The following VAT1L variants were observed in gnomAD, a reference collection of about 807,000 sequenced individuals.
The protein encoded by VAT1L is putative NADPH-dependent quinone oxidoreductase VAT1L.
In VAT1L, 34 loss-of-function variants were observed where a neutral mutation model predicts 44.1. The observed-to-expected ratio is 0.77, with a 90% CI of 0.59 to 1.03. VAT1L has a LOEUF of 1.03. Ranked by LOEUF, VAT1L falls within the 50% of genes least tolerant of loss-of-function variation. The pLI, the probability that VAT1L is intolerant of heterozygous loss-of-function variation, is 0.00. For missense variants in VAT1L, 615 were observed against 538.8 expected (o/e 1.14, Z -1.40); for synonymous variants, 253 against 202.2 (o/e 1.25, Z -2.13).
intron 3 of VAT1L, among the ~76,000 whole-genome samples, chr16:77,843,687 C>G (rs1382836546): frequency 2.0e-5 from 3 of 152,224 alleles, no homozygotes; most frequent in African/African-American, 7.2e-5. Flanking sequence ...CAGTGCAGAC[C>G]TGGACCCCCC....
In VAT1L at chr16:77,792,308, A is replaced by G. The variant is rs79013986; in HGVS notation, c.233+3393A>G. ...ATCATGTCACATCTGCTTAGTGATT[A>G]AGAGAGCTTCCTAGACATGAGTCCC... is the stretch of plus-strand genomic sequence containing the variant. On this transcript the variant is annotated intron_variant, in intron 1 of 8. Transcript: ENST00000302536. 2.9e-3 allele frequency among the ~76,000 whole-genome samples: 440 copies of G among 152,264 alleles called. 2 individuals carry two copies. The highest frequency in any genetic ancestry group is 9.9e-3 in the African/African-American group (413 of 41,546).
chr16:77,823,522 T>C lies in VAT1L; in HGVS notation c.364-1724T>C, dbSNP rs181504966. Among the ~76,000 whole-genome samples, 196 of 152,078 alleles carry C rather than the reference T, an allele frequency of 1.3e-3. 2 individuals are homozygous for C. The highest frequency in any genetic ancestry group is 4.7e-3 in the African/African-American group (194 of 41,472). On this transcript the variant is annotated intron_variant, in intron 2 of 8. Transcript: ENST00000302536. The stretch of plus-strand genomic sequence containing the variant: ...TGCTCATTGTGATGTCATGGAAAAA[T>C]ATTTGGAATTAGACAGGCTTCACTC...
chr16:77,910,158 A>T (rs2017483375), intron 7 of VAT1L, among the ~76,000 whole-genome samples: 1 of 152,144 alleles, frequency 6.6e-6, no homozygotes, highest in Non-Finnish European at 1.5e-5. Context: ...ATTCCCTAAG[A>T]CTCTGGCTAG....
rs115587385 is a variant in VAT1L at position 77,818,679 on chromosome 16, T to C, written c.363+1629T>C. Among the ~76,000 whole-genome samples, 508 of 152,340 alleles carry C rather than the reference T, an allele frequency of 3.3e-3. 2 individuals are homozygous for C. Among genetic ancestry groups the C allele is most frequent in the African/African-American group, 0.012 (483 of 41,588 alleles). Reference sequence around the variant, plus strand: ...ATTATGTATATTTTTCCTTTCAATATGACTTATCTTTTGCTAATTTGCCCT... The same window carrying C: ...ATTATGTATATTTTTCCTTTCAATACGACTTATCTTTTGCTAATTTGCCCT... On this transcript the variant is annotated intron_variant, in intron 2 of 8. Coordinates refer to ENST00000302536, the MANE Select transcript of VAT1L (RefSeq NM_020927.3).
rs192387283 is a variant in VAT1L, at chr16:77,978,860, C to G, written c.*1165C>G. 6.6e-6 allele frequency: 1 copy of G among 152,262 alleles called. No homozygotes were observed. Among genetic ancestry groups the G allele is most frequent in the Non-Finnish European group, 1.5e-5 (1 of 68,068 alleles). The allele number at this position is 152,262 out of a possible 1,614,324, so 9.4% of individuals were successfully genotyped here. A position where few individuals can be genotyped will look rare whatever the true frequency, so the allele number is the denominator to read the frequency against. On this transcript the variant is annotated 3_prime_UTR_variant, in exon 9 of 9. Transcript: ENST00000302536. Reference sequence around the variant, plus strand: ...GCTCCTAAGGAACCCCACCCCCATGCAATTTGACTGTGCTTGAGAGGTGAA... The same window carrying G: ...GCTCCTAAGGAACCCCACCCCCATGGAATTTGACTGTGCTTGAGAGGTGAA...
At chr16:77,876,199 ATCTGGGAAGACATATCCACCTCCTGGGCT>A (rs1254786769) in intron 4 of VAT1L, among the ~76,000 whole-genome samples, 142 bp from the exon 5 acceptor site, 4 of 152,036 alleles carry the variant, frequency 2.6e-5, no homozygotes, top group Non-Finnish European at 5.9e-5. Flanking sequence ...TTATCACTGG[ATCTGGGAAGACATATCCACCTCCTGGGCT>A]TCTGCCCTAT....
intron 1 of VAT1L, among the ~76,000 whole-genome samples, chr16:77,814,697 T>G (rs1376824039): frequency 1.3e-5 from 2 of 152,302 alleles, no homozygotes; most frequent in South Asian, 2.1e-4. Context: ...ATGGAGTGCT[T>G]GATTCAGGTT....
chr16:77,796,195 G>C (rs752491126), intron 1 of VAT1L, among the ~76,000 whole-genome samples: 1 of 152,048 alleles, frequency 6.6e-6, no homozygotes, highest in African/African-American at 2.4e-5. Context: ...TAGAACATTC[G>C]ACATATACTA....
chr16:77,821,929 G>C (rs960189663), intron 2 of VAT1L, among the ~76,000 whole-genome samples: 2 of 152,154 alleles, frequency 1.3e-5, no homozygotes, highest in Non-Finnish European at 2.9e-5. Flanking sequence ...ACAGCACCAA[G>C]TGCAGAAATA....
chr16:77,897,648 AT>A (rs1285230133), intron 7 of VAT1L, among the ~76,000 whole-genome samples: 3 of 151,910 alleles, frequency 2.0e-5, no homozygotes, highest in Middle Eastern at 6.8e-3. Flanking sequence ...TAATTTTTGT[AT>A]TTTTTAGCAG....
chr16:77,972,532 G>A (rs948982673), intron 8 of VAT1L, among the ~76,000 whole-genome samples: 7 of 152,240 alleles, frequency 4.6e-5, no homozygotes, highest in East Asian at 1.9e-4. Context: ...TGTAATCCCA[G>A]CACTTGGGGA....
intron 7 of VAT1L, among the ~76,000 whole-genome samples, chr16:77,893,176 T>C (rs1284603933): frequency 6.6e-6 from 1 of 152,048 alleles, no homozygotes; most frequent in Non-Finnish European, 1.5e-5. Context: ...GTCATGTACA[T>C]AGTGGTTTGG....
chr16:77,896,866 C>T (rs1169835039), intron 7 of VAT1L, among the ~76,000 whole-genome samples: 2 of 152,212 alleles, frequency 1.3e-5, no homozygotes, highest in Non-Finnish European at 2.9e-5. Flanking sequence ...GAAAATACTT[C>T]ACAAAACTGG....
chr16:77,791,999 T>C (rs573671466), intron 1 of VAT1L, among the ~76,000 whole-genome samples: 1 of 152,300 alleles, frequency 6.6e-6, no homozygotes, highest in South Asian at 2.1e-4. Context: ...GACTTGAATA[T>C]AAGCTTAAGC....
At chr16:77,867,257 T>A (rs2016984548) in intron 4 of VAT1L, among the ~76,000 whole-genome samples, 1 of 152,160 alleles carries the variant, frequency 6.6e-6, no homozygotes, top group South Asian at 2.1e-4. Flanking sequence ...ATATGTTCAT[T>A]ACGTGGACGG....
intron 7 of VAT1L, among the ~76,000 whole-genome samples, chr16:77,918,925 G>A (rs1205635440): frequency 6.6e-6 from 1 of 152,064 alleles, no homozygotes; most frequent in African/African-American, 2.4e-5. Context: ...ATGGCTATTA[G>A]TTAAAATTAA....
At chr16:77,889,133 A>T (rs901123299) in intron 7 of VAT1L, among the ~76,000 whole-genome samples, 1 of 152,216 alleles carries the variant, frequency 6.6e-6, no homozygotes, top group Non-Finnish European at 1.5e-5. Context: ...AAATGATTGC[A>T]CAAAATTGCT....
intron 7 of VAT1L, among the ~76,000 whole-genome samples, chr16:77,924,533 T>A (rs1443169880): frequency 6.6e-6 from 1 of 152,132 alleles, no homozygotes; most frequent in Non-Finnish European, 1.5e-5. Context: ...CAATCTCGGC[T>A]CACTGCAACC....
intron 7 of VAT1L, among the ~76,000 whole-genome samples, chr16:77,901,283 C>A (rs1388945909): frequency 6.6e-6 from 1 of 150,668 alleles, no homozygotes; most frequent in Non-Finnish European, 1.5e-5. Context: ...CCTGCCTCAG[C>A]CTCCTGGATA....
Sources: allele counts gnomAD v4.1 joint callset (sites outside exome capture counted in the v4.1 genomes callset), GRCh38; gene constraint gnomAD v4.1.1; transcripts MANE v1.5; gene names NCBI Gene and HGNC (gene_info 2026-07-23, HGNC 2026-07-21).